The following NR2C1 variants were observed in gnomAD, a reference collection of about 807,000 sequenced individuals.
NR2C1 encodes nuclear receptor subfamily 2 group C member 1.
In NR2C1, 33 loss-of-function variants were observed where a neutral mutation model predicts 74.8. The ratio of observed to expected loss-of-function variants is 0.44; its 90% CI spans 0.33 to 0.59. The LOEUF is 0.59. Ranked by LOEUF, NR2C1 falls within the 20% of genes least tolerant of loss-of-function variation. The pLI is 0.02. For synonymous variants in NR2C1, 225 were observed against 240.6 expected (o/e 0.94, Z 0.60); for missense variants, 568 against 715.6 (o/e 0.79, Z 2.35).
At chr12:95,024,306 T>A (rs1443173246) in intron 13 of NR2C1, among the ~76,000 whole-genome samples, 1 of 152,176 alleles carries the variant, frequency 6.6e-6, no homozygotes, top group African/African-American at 2.4e-5. Context: ...ATTAACTGAT[T>A]TAATCCTTAA....
chr12:95,030,461 C>A, intron 11 of NR2C1: 4 of 1,456,818 alleles, frequency 2.7e-6, no homozygotes, highest in South Asian at 1.6e-5. Context: ...TGTTTAAAAC[C>A]CATCCATTAG....
chr12:95,058,773 C>T (rs876116), intron 4 of NR2C1, among the ~76,000 whole-genome samples: 17,790 of 151,944 alleles, frequency 0.12, 1,627 homozygotes, highest in African/African-American at 0.26. Flanking sequence ...TACAGGCTTG[C>T]GCCACCACAC....
chr12:95,058,619 T>C, intron 4 of NR2C1, 130 bp from the exon 5 acceptor site: 1 of 707,574 alleles, frequency 1.4e-6, no homozygotes, highest in Admixed American at 2.9e-5. Context: ...ATGAAAAACA[T>C]TTTTAGAAGT....
rs984883960 is a variant in NR2C1, at chr12:95,067,345, G to C, written c.40C>G (p.Gln14Glu). The change falls in exon 2 of 14, where the codon CAA becomes GAA. Residue 14 changes from glutamine (Q) to glutamate (E), a missense_variant. Gln to Glu is a conservative substitution (Grantham distance 29). Transcript: ENST00000333003. ...IEEIAHQIIE[Q>E]QMGEIVTEQQ... ...ACTAGACATACCTCTCCCATCTGTT[G>C]TTCAATAATTTGATGTGCAATTTCT... The C allele has an allele frequency of 2.5e-6, 4 of 1,613,476 alleles. No individual in the cohort carries two copies. In the African/African-American group the frequency reaches 5.3e-5, roughly 22 times the overall value.
intron 9 of NR2C1, 30 bp downstream of exon 9, chr12:95,049,038 A>C (rs1190755038): frequency 6.3e-7 from 1 of 1,596,470 alleles, no homozygotes; most frequent in Non-Finnish European, 8.6e-7. Context: ...GCAACACAAC[A>C]TACAAGTTAA....
intron 3 of NR2C1, among the ~76,000 whole-genome samples, 198 bp downstream of exon 3, chr12:95,062,310 T>C (rs1385014555): frequency 6.6e-6 from 1 of 152,102 alleles, no homozygotes; most frequent in Non-Finnish European, 1.5e-5. Flanking sequence ...CAACAAAGAA[T>C]CCCCAAAATA....
At chr12:95,060,125 T>C (rs1364505584) in intron 3 of NR2C1, 141 bp from the exon 4 acceptor site, 8 of 689,470 alleles carry the variant, frequency 1.2e-5, no homozygotes, top group African/African-American at 3.6e-5. Context: ...TTTTAAACTT[T>C]GTACTCTATG....
intron 11 of NR2C1, chr12:95,031,014 A>C (rs999877621): frequency 9.4e-6 from 7 of 740,908 alleles, no homozygotes; most frequent in Non-Finnish European, 1.5e-5. Context: ...GGTCATTTAA[A>C]AATTGCTGAG....
rs1565848981 is a variant in NR2C1 at position 95,042,695 on chromosome 12, A to G, written c.1132-2098T>C. On this transcript the variant is annotated intron_variant, in intron 9 of 13. Transcript: ENST00000333003. ...ATAAATTGTACCAAGTAATAAAACAAAAGGGCAATTAATAGTTGAAATTCT... is the reference window on the plus strand; with the variant it reads ...ATAAATTGTACCAAGTAATAAAACAGAAGGGCAATTAATAGTTGAAATTCT... 1.3e-5 allele frequency among the ~76,000 whole-genome samples: 2 copies of G among 152,234 alleles called. 1 individual carries two copies. Among genetic ancestry groups the G allele is most frequent in the East Asian group, 3.8e-4 (2 of 5,202 alleles).
intron 11 of NR2C1, chr12:95,030,969 C>A: frequency 3.0e-6 from 3 of 1,003,002 alleles, no homozygotes; most frequent in Non-Finnish European, 4.6e-6. Flanking sequence ...ACAAAATCAA[C>A]CTATCTTAGG....
chr12:95,040,188 A>T (rs1430754599), intron 10 of NR2C1, among the ~76,000 whole-genome samples: 4 of 152,184 alleles, frequency 2.6e-5, no homozygotes, highest in Non-Finnish European at 5.9e-5. Context: ...TGAGCCAATG[A>T]AAGATGAGGC....
At chr12:95,056,540 A>T (rs893099933) in intron 7 of NR2C1, among the ~76,000 whole-genome samples, 9 of 152,214 alleles carry the variant, frequency 5.9e-5, no homozygotes, top group Admixed American at 4.6e-4. Context: ...TGACTCAAGT[A>T]AATATTTTGA....
At chr12:95,050,252 G>A (rs1346137864) in intron 8 of NR2C1, among the ~76,000 whole-genome samples, 1 of 152,100 alleles carries the variant, frequency 6.6e-6, no homozygotes, top group Non-Finnish European at 1.5e-5. Context: ...AAAATCTCAT[G>A]TTCAACAAAG....
At chr12:95,065,056 G>C (rs1349747743) in intron 2 of NR2C1, among the ~76,000 whole-genome samples, 1 of 152,208 alleles carries the variant, frequency 6.6e-6, no homozygotes, top group Non-Finnish European at 1.5e-5. Context: ...CATTACTGCA[G>C]CATAATAATT....
intron 10 of NR2C1, among the ~76,000 whole-genome samples, chr12:95,037,476 TAA>T (rs984650594): frequency 3.3e-5 from 5 of 152,262 alleles, no homozygotes; most frequent in African/African-American, 7.2e-5. Flanking sequence ...TAAAATTATT[TAA>T]GTTACTGTTC....
chr12:95,027,204 A>G (rs1180905373), intron 12 of NR2C1, among the ~76,000 whole-genome samples: 1 of 152,130 alleles, frequency 6.6e-6, no homozygotes, highest in African/African-American at 2.4e-5. Flanking sequence ...ACAGGTGCAC[A>G]CCAGCACATC....
chr12:95,057,817 A>G lies in NR2C1; in HGVS notation c.606T>C (p.Ala202=). Residue 202 remains alanine (A), a synonymous_variant, in exon 6 of 14, where the codon GCT becomes GCC. Transcript: ENST00000333003. ...VSREKSSNCA[A]STEKIYIRKD... is the part of the protein sequence containing the mutation. Reference sequence around the variant, plus strand: ...TTCGGATATAGATTTTTTCTGTTGAAGCGGCACAGTTGGAAGATTTTTCTC... The same window carrying G: ...TTCGGATATAGATTTTTTCTGTTGAGGCGGCACAGTTGGAAGATTTTTCTC... The G allele has an allele frequency of 6.2e-7, 1 of 1,614,094 alleles. No individual in the cohort carries two copies. Among genetic ancestry groups the G allele is most frequent in the Non-Finnish European group, 8.5e-7 (1 of 1,179,966 alleles).
intron 10 of NR2C1, among the ~76,000 whole-genome samples, chr12:95,037,827 G>A (rs1406561666): frequency 1.3e-5 from 2 of 150,884 alleles, no homozygotes; most frequent in Non-Finnish European, 2.9e-5. Context: ...CCCGGGAGGC[G>A]GAGCTTGCAC....
chr12:95,023,791 A>G (rs928538088), intron 13 of NR2C1, among the ~76,000 whole-genome samples: 13 of 152,234 alleles, frequency 8.5e-5, no homozygotes, highest in African/African-American at 3.1e-4. Context: ...AAACTGAGAA[A>G]GCTGCAGTCA....
Sources: gnomAD v4.1 joint callset for allele counts (sites outside exome capture counted in the v4.1 genomes callset) on GRCh38, gnomAD v4.1.1 for gene constraint, MANE v1.5 for transcripts, NCBI Gene and HGNC (gene_info 2026-07-23, HGNC 2026-07-21) for gene names.